Variants in RSRC1 observed in about 807,000 individuals in gnomAD.
RSRC1 encodes the protein serine/Arginine-related protein 53.
A neutral mutation model predicts 49.1 loss-of-function variants in RSRC1; 39 were observed. The observed-to-expected ratio is 0.79, with a 90% confidence interval of 0.61 to 1.04. The LOEUF is 1.04. Ranked by LOEUF, RSRC1 falls within the 50% of genes least tolerant of loss-of-function variation. The pLI is 0.00. For missense variants in RSRC1, 388 were observed against 402.4 expected, an observed-to-expected ratio of 0.96 and a Z score of 0.31; for synonymous variants, 143 against 130.8, an observed-to-expected ratio of 1.09 and a Z score of -0.63.
At chr3:158,167,808 T>C (rs1718625650) in intron 3 of RSRC1, among the ~76,000 whole-genome samples, 1 of 152,188 alleles carries the variant, frequency 6.6e-6, no homozygotes, top group African/African-American at 2.4e-5. Context: ...GTACTTCAGT[T>C]TCTTCAAGCA....
At chr3:158,252,967 TTC>T (rs1317335952) in intron 4 of RSRC1, among the ~76,000 whole-genome samples, 1 of 152,064 alleles carries the variant, frequency 6.6e-6, no homozygotes, top group Non-Finnish European at 1.5e-5. Context: ...GATTTGGTTC[TTC>T]TCTCTTTTTC....
chr3:158,303,281 T>G (rs1384374209), intron 5 of RSRC1: 1 of 152,170 alleles, frequency 6.6e-6, no homozygotes, highest in Non-Finnish European at 1.5e-5. Context: ...CAAAATAGTT[T>G]TGTGGGTTGT....
In RSRC1 at chr3:158,288,530, G is replaced by A. The variant is rs575440120; in HGVS notation, c.495-9509G>A. ...TCCTGCGTGTGGGAAGTACCAGATA[G>A]GTAGCATGTATCACATGCCCTTTCC... is the stretch of plus-strand genomic sequence containing the variant. On this transcript the variant is annotated intron_variant, in intron 4 of 9. Transcript: ENST00000611884. 3.9e-5 allele frequency among the ~76,000 whole-genome samples: 6 copies of A among 152,130 alleles called. No homozygotes were observed. The East Asian group carries it at 9.6e-4, about 24-fold the overall frequency.
intron 5 of RSRC1, among the ~76,000 whole-genome samples, chr3:158,327,557 A>C (rs979483901): frequency 2.6e-5 from 4 of 152,154 alleles, no homozygotes; most frequent in African/African-American, 9.7e-5. Flanking sequence ...TGAGTTTCTT[A>C]ATCCTGAGTT....
chr3:158,455,613 G>C lies in RSRC1; in HGVS notation c.584-5322G>C, dbSNP rs368641966. Among the ~76,000 whole-genome samples the C allele has an allele frequency of 2.0e-4, 30 of 152,200 alleles. No homozygotes were observed. The South Asian group carries it at 6.2e-3, about 32-fold the overall frequency. On this transcript the variant is annotated intron_variant, in intron 6 of 9. Coordinates refer to ENST00000611884, the MANE Select transcript of RSRC1 (RefSeq NM_001271838.2). Reference sequence around the variant, plus strand: ...TTAGCCCCTTGTCACCTCTGCAGCTGTTCTTCTGATCTCCATCATCCAAGT... The same window carrying C: ...TTAGCCCCTTGTCACCTCTGCAGCTCTTCTTCTGATCTCCATCATCCAAGT...
intron 3 of RSRC1, among the ~76,000 whole-genome samples, chr3:158,126,544 T>C (rs73025925): frequency 0.019 from 2,918 of 152,286 alleles, 89 homozygotes; most frequent in African/African-American, 0.068. Flanking sequence ...TCCATTAATA[T>C]AGCTTATAGT....
chr3:158,138,576 C>T (rs1716548125), intron 3 of RSRC1, among the ~76,000 whole-genome samples: 2 of 152,160 alleles, frequency 1.3e-5, no homozygotes, highest in Admixed American at 6.5e-5. Context: ...TTGGGTGGCT[C>T]CTTGAATGTG....
chr3:158,513,968 C>G (rs1037138638), intron 7 of RSRC1, among the ~76,000 whole-genome samples: 2 of 151,868 alleles, frequency 1.3e-5, no homozygotes, highest in African/African-American at 4.8e-5. Flanking sequence ...GGTGATATCC[C>G]CTTTATCATT....
At chr3:158,420,665 A>G (rs562173927) in intron 6 of RSRC1, among the ~76,000 whole-genome samples, 4 of 151,948 alleles carry the variant, frequency 2.6e-5, no homozygotes, top group African/African-American at 9.7e-5. Context: ...TGAAATTCCT[A>G]ATTTTCTTAA....
At chr3:158,170,205 T>C (rs1353172724) in intron 3 of RSRC1, among the ~76,000 whole-genome samples, 1 of 152,132 alleles carries the variant, frequency 6.6e-6, no homozygotes, top group African/African-American at 2.4e-5. Context: ...TTGCTTCTTT[T>C]GAGGCAGCTG....
At chr3:158,267,490 C>A (rs1353183380) in intron 4 of RSRC1, among the ~76,000 whole-genome samples, 1 of 151,834 alleles carries the variant, frequency 6.6e-6, no homozygotes, top group Non-Finnish European at 1.5e-5. Context: ...ATATGTTGGA[C>A]CACTTGCTAT....
At chr3:158,477,905 GTT>G (rs1350397330) in intron 7 of RSRC1, among the ~76,000 whole-genome samples, 1 of 148,274 alleles carries the variant, frequency 6.7e-6, no homozygotes, top group Non-Finnish European at 1.5e-5. Context: ...ATACTTTCCT[GTT>G]TTCTTTTTTT....
intron 5 of RSRC1, among the ~76,000 whole-genome samples, chr3:158,299,197 G>A (rs546839596): frequency 3.9e-5 from 6 of 151,990 alleles, no homozygotes; most frequent in Non-Finnish European, 8.8e-5. Flanking sequence ...CATAGATTTA[G>A]GACATATGGA....
intron 6 of RSRC1, among the ~76,000 whole-genome samples, chr3:158,437,459 T>C (rs746628249): frequency 1.3e-5 from 2 of 152,152 alleles, no homozygotes; most frequent in East Asian, 1.9e-4. Context: ...AAAAAGCTTA[T>C]TGACCATGAT....
At chr3:158,466,926 G>C (rs1737917671) in intron 7 of RSRC1, among the ~76,000 whole-genome samples, 1 of 152,130 alleles carries the variant, frequency 6.6e-6, no homozygotes, top group African/African-American at 2.4e-5. Context: ...AGGCATGGTA[G>C]TGGCCATCTG....
At chr3:158,466,404 T>C (rs1440494985) in intron 7 of RSRC1, among the ~76,000 whole-genome samples, 1 of 152,234 alleles carries the variant, frequency 6.6e-6, no homozygotes, top group Non-Finnish European at 1.5e-5. Context: ...TTTAAATATA[T>C]TCTGTTTACT....
chr3:158,185,970 T>G (rs1719902147), intron 3 of RSRC1, among the ~76,000 whole-genome samples: 1 of 152,142 alleles, frequency 6.6e-6, no homozygotes, highest in East Asian at 1.9e-4. Flanking sequence ...TAAGTGTAGT[T>G]CCTTTTAGTT....
At chr3:158,307,988 C>T (rs888603919) in intron 5 of RSRC1, among the ~76,000 whole-genome samples, 1 of 151,798 alleles carries the variant, frequency 6.6e-6, no homozygotes. Flanking sequence ...GAACCACAGA[C>T]ATTTTTATGT....
Position 158,364,639 on chromosome 3 carries a change from T to C in RSRC1, c.583+9731T>C, listed in dbSNP as rs1419427883. 2.0e-5 allele frequency among the ~76,000 whole-genome samples: 3 copies of C among 152,002 alleles called. No individual in the cohort carries two copies. The South Asian group carries it at 6.2e-4, about 31-fold the overall frequency. ...ATAAAACACTTAGAGCAGTACCTGA[T>C]ACATAGTAAGTATTCAGTTAATGTT... On this transcript the variant is annotated intron_variant, in intron 6 of 9. Coordinates refer to ENST00000611884, the MANE Select transcript of RSRC1 (RefSeq NM_001271838.2).
Sources: allele counts gnomAD v4.1 joint callset (sites outside exome capture counted in the v4.1 genomes callset), GRCh38; gene constraint gnomAD v4.1.1; transcripts MANE v1.5; gene names NCBI Gene and HGNC (gene_info 2026-07-23, HGNC 2026-07-21).